Variants in KAZN observed in about 807,000 individuals in gnomAD.
KAZN encodes the protein kazrin.
KAZN carries 40 observed loss-of-function variants against 87.4 expected under a neutral mutation model. The observed-to-expected ratio is 0.46, with a 90% CI of 0.36 to 0.60. KAZN has a LOEUF of 0.60. KAZN is among the 20% of genes least tolerant of loss of function. The pLI is 0.00. For synonymous variants in KAZN, 466 were observed against 458.3 expected (o/e 1.02, Z -0.22); for missense variants, 898 against 1,073.9 (o/e 0.84, Z 2.29).
chr1:14,739,472 C>T (rs1201292187), intron 1 of KAZN, among the ~76,000 whole-genome samples: 2 of 151,980 alleles, frequency 1.3e-5, no homozygotes, highest in Non-Finnish European at 2.9e-5. Context: ...GTGATAACTT[C>T]GCACCTCCTA....
At chr1:15,095,083 A>G (rs901147796) in intron 10 of KAZN, 150 bp downstream of exon 10, 7 of 627,072 alleles carry the variant, frequency 1.1e-5, no homozygotes, top group Non-Finnish European at 2.0e-5. Flanking sequence ...GATGCCCCTG[A>G]TGAGGGGGCT....
At chr1:14,669,097 C>T (rs1639754516) in intron 1 of KAZN, among the ~76,000 whole-genome samples, 1 of 152,182 alleles carries the variant, frequency 6.6e-6, no homozygotes, top group Admixed American at 6.5e-5. Flanking sequence ...TGATGGGAAA[C>T]TGAAGACACA....
At chr1:14,806,444 A>G (rs1646225518) in intron 1 of KAZN, among the ~76,000 whole-genome samples, 1 of 152,154 alleles carries the variant, frequency 6.6e-6, no homozygotes, top group Admixed American at 6.5e-5. Flanking sequence ...CTTGAAGCCA[A>G]TCATCCCCTG....
rs373249679 is a variant in KAZN, at chr1:14,074,951, A to G, written c.92-105484A>G. 2.5e-3 allele frequency among the ~76,000 whole-genome samples: 388 copies of G among 152,208 alleles called. 3 individuals are homozygous for G. Among genetic ancestry groups the G allele is most frequent in the African/African-American group, 8.8e-3 (366 of 41,520 alleles). ...AATGTGTTTGCTTTCATTCGTGTCA[A>G]CTCATGTTAAACTTTGATTTTGTGC... On this transcript the variant is annotated intron_variant, in intron 1 of 16. Transcript: ENST00000636203.
Position 14,809,377 on chromosome 1 carries a change from G to A in KAZN, c.227-151307G>A, listed in dbSNP as rs376361227. 5.9e-5 allele frequency among the ~76,000 whole-genome samples: 9 copies of A among 152,204 alleles called. No individual in the cohort carries two copies. In the East Asian group the frequency reaches 7.7e-4, roughly 13 times the overall value. On this transcript the variant is annotated intron_variant, in intron 1 of 14. Transcript: ENST00000376030. ...GCTTTCTGAATTCTTCTCTCCCTCT[G>A]TGACTTTGCTCTTCCTCCCTCACCG...
chr1:14,807,033 G>T (rs1313231552), intron 1 of KAZN, among the ~76,000 whole-genome samples: 1 of 152,172 alleles, frequency 6.6e-6, no homozygotes, highest in Non-Finnish European at 1.5e-5. Context: ...AGGAGGCAGA[G>T]GCCACTTCTG....
chr1:14,730,646 G>A lies in KAZN; in HGVS notation c.226+131423G>A, dbSNP rs149661062. On this transcript the variant is annotated intron_variant, in intron 1 of 14. Transcript: ENST00000376030. ...TACCCATTCTTGAGCACCCTGTCAC[G>A]CTACCTCTCATTATCAGGTTCTGCA... Among the ~76,000 whole-genome samples the A allele has an allele frequency of 2.4e-3, 368 of 152,198 alleles. 1 individual carries two copies. Among genetic ancestry groups the A allele is most frequent in the African/African-American group, 6.4e-3 (264 of 41,538 alleles).
chr1:14,311,283 T>C (rs1223894322), intron 2 of KAZN, among the ~76,000 whole-genome samples: 1 of 148,050 alleles, frequency 6.8e-6, no homozygotes, highest in East Asian at 1.9e-4. Flanking sequence ...GAACCTGACC[T>C]CTTTATGTCT....
intron 1 of KAZN, among the ~76,000 whole-genome samples, chr1:14,687,336 C>T (rs975344834): frequency 1.2e-4 from 18 of 152,228 alleles, no homozygotes; most frequent in African/African-American, 4.1e-4. Flanking sequence ...AGAGAGATGA[C>T]GTCAACAAGC....
intron 1 of KAZN, among the ~76,000 whole-genome samples, chr1:13,926,221 G>A (rs756903695): frequency 4.1e-4 from 63 of 152,070 alleles, no homozygotes; most frequent in Non-Finnish European, 6.9e-4. Flanking sequence ...CTGGCTCACC[G>A]TGCTGTTACT....
rs1364559219 is a variant in KAZN at position 14,455,824 on chromosome 1, C to T, written c.250-143159C>T. Among the ~76,000 whole-genome samples, 6 of 152,288 alleles carry T rather than the reference C, an allele frequency of 3.9e-5. No homozygotes were observed. In the East Asian group the frequency reaches 9.7e-4, roughly 25 times the overall value. Reference sequence around the variant, plus strand: ...ACTGTGCCCATTTATGCCCCTCTGGCTCAGAGGGAGTTTGACTGTGAATGC... The same window carrying T: ...ACTGTGCCCATTTATGCCCCTCTGGTTCAGAGGGAGTTTGACTGTGAATGC... On this transcript the variant is annotated intron_variant, in intron 2 of 16. Coordinates refer to the KAZN transcript ENST00000636203.
intron 1 of KAZN, among the ~76,000 whole-genome samples, chr1:14,062,322 T>C (rs1189050737): frequency 6.6e-6 from 1 of 152,164 alleles, no homozygotes; most frequent in African/African-American, 2.4e-5. Context: ...AGTTATTTTA[T>C]ACTTTGGTTA....
chr1:14,401,819 T>A (rs1055549159), intron 2 of KAZN, among the ~76,000 whole-genome samples: 1 of 151,972 alleles, frequency 6.6e-6, no homozygotes, highest in Non-Finnish European at 1.5e-5. Flanking sequence ...ATTTATAATT[T>A]AAAAAATAAA....
intron 2 of KAZN, among the ~76,000 whole-genome samples, chr1:14,339,054 G>A (rs74057185): frequency 1.1e-3 from 174 of 152,210 alleles, no homozygotes; most frequent in African/African-American, 3.9e-3. Context: ...CATGATTTTC[G>A]TGGGGATTCA....
intron 1 of KAZN, among the ~76,000 whole-genome samples, chr1:13,950,136 A>T (rs1488011345): frequency 6.6e-6 from 1 of 151,988 alleles, no homozygotes; most frequent in Non-Finnish European, 1.5e-5. Context: ...TGCTTCATGC[A>T]CCTGCTGCTT....
intron 2 of KAZN, among the ~76,000 whole-genome samples, chr1:14,498,396 A>G (rs1670066093): frequency 6.6e-6 from 1 of 152,224 alleles, no homozygotes; most frequent in African/African-American, 2.4e-5. Context: ...GATGCCAAAG[A>G]AAACTGGAGG....
rs2101514646 is a variant in KAZN, at chr1:14,923,817, A to G, written c.227-36867A>G. Among the ~76,000 whole-genome samples, 1 of 152,298 alleles carries G rather than the reference A, an allele frequency of 6.6e-6. No individual in the cohort carries two copies. The highest frequency in any genetic ancestry group is 3.4e-3 in the Middle Eastern group (1 of 294). ...CTCGGCAAGGCTGTCACAGGGTGTC[A>G]GGAGAGGAGAGAGACACAGCAAAGT... On this transcript the variant is annotated intron_variant, in intron 1 of 14. Coordinates refer to ENST00000376030, the MANE Select transcript of KAZN (RefSeq NM_201628.3). This position sits in a 1 kb window ranked among gnomAD's most constrained non-coding sequence, Gnocchi z 4.2.
chr1:14,996,201 C>A lies in KAZN; in HGVS notation c.418+35326C>A, dbSNP rs962839581. ...CTCTTCATGCCCCGCCCACTCCACCCCCAGTGCCTGGCATCTTGAACAGGG... is the reference window on the plus strand; with the variant it reads ...CTCTTCATGCCCCGCCCACTCCACCACCAGTGCCTGGCATCTTGAACAGGG... On this transcript the variant is annotated intron_variant, in intron 2 of 14. Transcript: ENST00000376030. The surrounding 1 kb of genome is among the most constrained non-coding windows in gnomAD (Gnocchi z 5.9). Among the ~76,000 whole-genome samples the A allele has an allele frequency of 6.6e-6, 1 of 152,184 alleles. No homozygotes were observed. Among genetic ancestry groups the A allele is most frequent in the Non-Finnish European group, 1.5e-5 (1 of 68,034 alleles).
Position 14,985,201 on chromosome 1 carries a change from A to G in KAZN, c.418+24326A>G, listed in dbSNP as rs530055263. ...GAGATGAATGCTGATTAATAAACAT[A>G]GAGGGACTGGGCCTGGTGGCTCACG... On this transcript the variant is annotated intron_variant, in intron 2 of 14. Transcript: ENST00000376030. Among the ~76,000 whole-genome samples the G allele has an allele frequency of 3.4e-5, 5 of 148,604 alleles. No individual in the cohort carries two copies. In the South Asian group the frequency reaches 1.1e-3, roughly 32 times the overall value.
Sources: gnomAD v4.1 joint callset for allele counts (sites outside exome capture counted in the v4.1 genomes callset) on GRCh38, gnomAD v4.1.1 for gene constraint, Gnocchi (gnomAD v3.1) non-coding constraint, MANE v1.5 for transcripts, NCBI Gene and HGNC (gene_info 2026-07-23, HGNC 2026-07-21) for gene names.